Variants in TCF12 observed in about 807,000 individuals in gnomAD.
TCF12 encodes DNA-binding protein HTF4.
TCF12 carries 45 observed loss-of-function variants against 86.0 expected under a neutral mutation model. The observed-to-expected ratio is 0.52, with a 90% CI of 0.41 to 0.67. TCF12 has a LOEUF of 0.67. Among genes scored for constraint, TCF12 ranks in the 30% least tolerant of loss-of-function variants. The pLI is 0.00. For missense variants in TCF12, 881 were observed against 859.9 expected, an observed-to-expected ratio of 1.02 and a Z score of -0.31; for synonymous variants, 330 against 299.6, an observed-to-expected ratio of 1.10 and a Z score of -1.05.
intron 6 of TCF12, among the ~76,000 whole-genome samples, chr15:57,167,077 A>T (rs569506783): frequency 9.8e-5 from 15 of 152,336 alleles, no homozygotes; most frequent in African/African-American, 3.6e-4. Flanking sequence ...AAGGCAGAAC[A>T]TATTAAATTT....
rs530982810 is a variant in TCF12 at position 57,272,781 on chromosome 15, T to G, written c.1746-249T>G. The stretch of plus-strand genomic sequence containing the variant: ...TTATGAAGAGTTTCTGGAGAAATCT[T>G]TATGCTATAATGTGCAATGAAAAAT... On this transcript the variant is annotated intron_variant, in intron 18 of 20. Coordinates refer to ENST00000333725, the MANE Select transcript of TCF12 (RefSeq NM_207037.2). Among the ~76,000 whole-genome samples, 4 of 152,386 alleles carry G rather than the reference T, an allele frequency of 2.6e-5. No homozygotes were observed. In the South Asian group the frequency reaches 8.3e-4, roughly 32 times the overall value.
At chr15:57,035,303 A>G (rs2066438428) in intron 3 of TCF12, among the ~76,000 whole-genome samples, 1 of 152,158 alleles carries the variant, frequency 6.6e-6, no homozygotes, top group Non-Finnish European at 1.5e-5. Flanking sequence ...TTGCTCTGTC[A>G]CCCATTCTGG....
intron 3 of TCF12, among the ~76,000 whole-genome samples, chr15:57,051,287 T>G (rs753405707): frequency 6.6e-6 from 1 of 152,338 alleles, no homozygotes; most frequent in African/African-American, 2.4e-5. Flanking sequence ...GCGTTCCACC[T>G]GTTGCTTTTA....
intron 18 of TCF12, among the ~76,000 whole-genome samples, chr15:57,268,754 C>T (rs182479870): frequency 6.6e-6 from 1 of 151,834 alleles, no homozygotes; most frequent in East Asian, 1.9e-4. Context: ...ATTTTCATTA[C>T]AGAAATGTAG....
chr15:56,938,550 C>G (rs924157539), intron 3 of TCF12, among the ~76,000 whole-genome samples: 2 of 151,462 alleles, frequency 1.3e-5, no homozygotes, highest in Non-Finnish European at 2.9e-5. Flanking sequence ...TTCCCTCTTT[C>G]TCTGTCTTAT....
intron 4 of TCF12, among the ~76,000 whole-genome samples, chr15:57,077,805 T>C (rs1388269882): frequency 1.3e-5 from 2 of 152,168 alleles, no homozygotes; most frequent in African/African-American, 4.8e-5. Context: ...AATCCTGGCT[T>C]GAAAGAATTA....
At chr15:57,220,181 G>C (rs2058525158) in intron 8 of TCF12, among the ~76,000 whole-genome samples, 1 of 152,134 alleles carries the variant, frequency 6.6e-6, no homozygotes, top group African/African-American at 2.4e-5. Flanking sequence ...CTAGCAATGA[G>C]CTTGAAAGTA....
chr15:57,058,710 C>T (rs1337017648), intron 3 of TCF12, among the ~76,000 whole-genome samples: 1 of 152,054 alleles, frequency 6.6e-6, no homozygotes, highest in African/African-American at 2.4e-5. Flanking sequence ...CTATTAAATT[C>T]CCTTGCAATT....
At chr15:57,073,122 C>A (rs2069562069) in intron 4 of TCF12, among the ~76,000 whole-genome samples, 1 of 152,120 alleles carries the variant, frequency 6.6e-6, no homozygotes, top group Non-Finnish European at 1.5e-5. Context: ...TGCTGTGGAT[C>A]TTTTTGGAAA....
intron 12 of TCF12, among the ~76,000 whole-genome samples, chr15:57,237,438 C>CA (rs1270486495): frequency 6.6e-6 from 1 of 152,096 alleles, no homozygotes; most frequent in Non-Finnish European, 1.5e-5. Flanking sequence ...GGCTTATTGG[C>CA]ACCCTGCTGA....
At chr15:57,219,583 G>C in intron 8 of TCF12, 1 of 1,612,518 alleles carries the variant, frequency 6.2e-7, no homozygotes, top group Admixed American at 1.7e-5. Flanking sequence ...TACTACAATG[G>C]GAAAACGGTA....
intron 8 of TCF12, among the ~76,000 whole-genome samples, chr15:57,221,870 G>T (rs2058614629): frequency 1.3e-5 from 2 of 151,958 alleles, no homozygotes; most frequent in Admixed American, 6.6e-5. Flanking sequence ...TAATTACATT[G>T]TCTCAAGATT....
chr15:57,276,103 C>T (rs1044120905), intron 19 of TCF12, among the ~76,000 whole-genome samples: 5 of 152,226 alleles, frequency 3.3e-5, no homozygotes, highest in Admixed American at 1.3e-4. Flanking sequence ...CAAGCTCTTT[C>T]ACAGGTCAGC....
chr15:57,039,019 G>A (rs1296487974), intron 3 of TCF12, among the ~76,000 whole-genome samples: 1 of 152,132 alleles, frequency 6.6e-6, no homozygotes, highest in Non-Finnish European at 1.5e-5. Flanking sequence ...TGTGGTATGT[G>A]CCTAGCTCTT....
chr15:57,043,999 T>TA (rs1156604025), intron 3 of TCF12, among the ~76,000 whole-genome samples: 1 of 152,078 alleles, frequency 6.6e-6, no homozygotes, highest in Non-Finnish European at 1.5e-5. Flanking sequence ...AAGTTTTAAT[T>TA]AAAAAAAGCT....
Position 57,232,319 on chromosome 15 carries a change from G to A in TCF12, c.714G>A (p.Trp238Ter), listed in dbSNP as rs1423704426. 6.2e-7 allele frequency: 1 copy of A among 1,613,732 alleles called. No homozygotes were observed. The change falls in exon 10 of 21, where the codon TGG becomes TGA. Residue 238 changes from tryptophan (W) to a stop codon, truncating the protein, a stop_gained. Coordinates refer to ENST00000333725, the MANE Select transcript of TCF12 (RefSeq NM_207037.2). LOFTEE classifies it high-confidence loss of function. ...QDGTHNSSDL[W>*]SSSNGMSQPG... The stretch of plus-strand genomic sequence containing the variant: ...GGACCCACAATTCTTCTGACCTTTG[G>A]AGTTCATCAAATGGGATGAGCCAGC...
rs745425063 is a variant in TCF12 at position 56,921,014 on chromosome 15, G to T, written c.76-12G>T. On this transcript the variant is annotated splice_polypyrimidine_tract_variant and intron_variant, in intron 2 of 20. Coordinates refer to ENST00000333725, the MANE Select transcript of TCF12 (RefSeq NM_207037.2). ...TTTCAGGACTAACAGATATATTTGG[G>T]TTATTTTGCAGATGTTTTCCCCACC... is the stretch of plus-strand genomic sequence containing the variant. The T allele has an allele frequency of 2.5e-6, 4 of 1,587,814 alleles. No homozygotes were observed. The highest frequency in any genetic ancestry group is 3.4e-6 in the Non-Finnish European group (4 of 1,166,990).
intron 3 of TCF12, among the ~76,000 whole-genome samples, chr15:57,061,448 T>A (rs1030161440): frequency 7.2e-5 from 11 of 151,750 alleles, no homozygotes; most frequent in Admixed American, 5.9e-4. Context: ...AAAAAAAAAA[T>A]TAATGATTAG....
chr15:57,240,281 T>C (rs11857507), intron 12 of TCF12, among the ~76,000 whole-genome samples: 59,613 of 151,996 alleles, frequency 0.39, 14,567 homozygotes, highest in Non-Finnish European at 0.54. Flanking sequence ...TATTTTACCA[T>C]GGGAAAGGAT....
Sources: allele counts gnomAD v4.1 joint callset (sites outside exome capture counted in the v4.1 genomes callset), GRCh38; gene constraint gnomAD v4.1.1; transcripts MANE v1.5; gene names NCBI Gene and HGNC (gene_info 2026-07-23, HGNC 2026-07-21).